ARHGAP12: variants seen among roughly 807,000 people sequenced by gnomAD.
ARHGAP12 encodes the protein rho GTPase-activating protein 12.
A neutral mutation model predicts 108.6 loss-of-function variants in ARHGAP12; 64 were observed. That is an observed-to-expected ratio of 0.59 (90% CI 0.48 to 0.73). The LOEUF is 0.73. ARHGAP12 is among the 30% of genes least tolerant of loss of function. The pLI is 0.00. For synonymous variants in ARHGAP12, 312 were observed against 337.2 expected, an observed-to-expected ratio of 0.93 and a Z score of 0.82; for missense variants, 940 against 1,005.9, an observed-to-expected ratio of 0.93 and a Z score of 0.89.
rs200905333 is a variant in ARHGAP12 at position 31,902,670 on chromosome 10, C to CA, written c.684+5501dup. ...TAGGTGACAGACAAAGACCCCATCTCAAAAAAAAAAAAAAATTACTCAAAA... is the reference window on the plus strand; with the variant it reads ...TAGGTGACAGACAAAGACCCCATCTCAAAAAAAAAAAAAAAATTACTCAAAA... On this transcript the variant is annotated intron_variant, in intron 3 of 19. Coordinates refer to ENST00000344936, the MANE Select transcript of ARHGAP12 (RefSeq NM_018287.7). Among the ~76,000 whole-genome samples the CA allele has an allele frequency of 2.9e-3, 338 of 116,698 alleles. 2 individuals are homozygous for CA. Among genetic ancestry groups the CA allele is most frequent in the South Asian group, 0.017 (64 of 3,736 alleles). 76.6% of individuals were successfully genotyped at this position (116,698 alleles called of 152,430 possible).
Position 31,819,013 on chromosome 10 carries a change from T to C in ARHGAP12, c.1633-1127A>G, listed in dbSNP as rs76934738. Among the ~76,000 whole-genome samples, 52 of 152,222 alleles carry C rather than the reference T, an allele frequency of 3.4e-4. No homozygotes were observed. The East Asian group carries it at 9.6e-3, about 28-fold the overall frequency. ...GCACATAAGATACTCTGCTCTGTTA[T>C]AGGTTCTTATTTAAAGGAAAAACAT... On this transcript the variant is annotated intron_variant, in intron 12 of 19. Transcript: ENST00000344936.
intron 9 of ARHGAP12, among the ~76,000 whole-genome samples, chr10:31,835,371 G>A (rs1053266839): frequency 6.6e-6 from 1 of 151,970 alleles, no homozygotes; most frequent in African/African-American, 2.4e-5. Context: ...ACTTATACAT[G>A]AATATTTGTT....
chr10:31,917,921 C>T (rs1839629693), intron 1 of ARHGAP12, among the ~76,000 whole-genome samples: 1 of 151,602 alleles, frequency 6.6e-6, no homozygotes, highest in South Asian at 2.1e-4. Context: ...AATTTCCTGA[C>T]TTTATGGTGG....
In ARHGAP12 at chr10:31,809,120, A is replaced by AT; in HGVS notation, c.2136dup (p.Leu713IlefsTer5). On this transcript the variant is annotated frameshift_variant, in exon 18 of 20. Coordinates refer to ENST00000344936, the MANE Select transcript of ARHGAP12 (RefSeq NM_018287.7). LOFTEE classifies it high-confidence loss of function. Reference sequence around the variant, plus strand: ...TCCCATTTACTGTCATTCAAGTCCAATTTCTCATCTGAAAAACAGCAGGAA... The same window carrying AT: ...TCCCATTTACTGTCATTCAAGTCCAATTTTCTCATCTGAAAAACAGCAGGAA... 6.2e-7 allele frequency: 1 copy of AT among 1,613,332 alleles called. No individual in the cohort carries two copies. The highest frequency in any genetic ancestry group is 1.1e-5 in the South Asian group (1 of 90,964).
chr10:31,854,893 C>T (rs1836827110), intron 4 of ARHGAP12, among the ~76,000 whole-genome samples: 1 of 150,296 alleles, frequency 6.7e-6, no homozygotes, highest in African/African-American at 2.5e-5. Flanking sequence ...CTTTGGGAGG[C>T]CAAGGCCAGA....
intron 3 of ARHGAP12, among the ~76,000 whole-genome samples, chr10:31,886,346 ATAC>A (rs1236146502): frequency 2.0e-5 from 3 of 152,194 alleles, no homozygotes; most frequent in Non-Finnish European, 4.4e-5. Context: ...TCCTACAATT[ATAC>A]TACAATTATC....
intron 1 of ARHGAP12, among the ~76,000 whole-genome samples, chr10:31,915,827 GA>G (rs891269214): frequency 1.3e-5 from 2 of 151,972 alleles, no homozygotes; most frequent in African/African-American, 4.8e-5. Context: ...TAAATTCTCT[GA>G]AAAAAATAAT....
At chr10:31,916,160 T>TATTCATCCCAA (rs1839547031) in intron 1 of ARHGAP12, among the ~76,000 whole-genome samples, 1 of 152,148 alleles carries the variant, frequency 6.6e-6, no homozygotes, top group Non-Finnish European at 1.5e-5. Flanking sequence ...CCTCCATCCA[T>TATTCATCCCAA]ATTCATCCCA....
intron 3 of ARHGAP12, among the ~76,000 whole-genome samples, chr10:31,863,841 T>A (rs1328161922): frequency 5.3e-5 from 8 of 152,088 alleles, no homozygotes; most frequent in African/African-American, 1.9e-4. Context: ...AGGATATAAC[T>A]CTTAGCAAGA....
In ARHGAP12 at chr10:31,824,460, C is replaced by T. The variant is rs1368408059; in HGVS notation, c.1530+1844G>A. 1.4e-4 allele frequency among the ~76,000 whole-genome samples: 21 copies of T among 152,198 alleles called. 1 individual carries two copies. The highest frequency in any genetic ancestry group is 3.6e-4 in the African/African-American group (15 of 41,550). ...GCTCAGTAAATTTTAAACTATGTTTCGGCTATTGCCACATGGTAACAAAGT... is the reference window on the plus strand; with the variant it reads ...GCTCAGTAAATTTTAAACTATGTTTTGGCTATTGCCACATGGTAACAAAGT... On this transcript the variant is annotated intron_variant, in intron 11 of 19. Coordinates refer to ENST00000344936, the MANE Select transcript of ARHGAP12 (RefSeq NM_018287.7).
chr10:31,923,437 G>T (rs1839901805), intron 1 of ARHGAP12, among the ~76,000 whole-genome samples: 1 of 152,180 alleles, frequency 6.6e-6, no homozygotes, highest in South Asian at 2.1e-4. Context: ...TCTACCACAT[G>T]ATTCAGGGAT....
chr10:31,893,573 A>G (rs886635087), intron 3 of ARHGAP12, among the ~76,000 whole-genome samples: 2 of 152,222 alleles, frequency 1.3e-5, no homozygotes, highest in East Asian at 1.9e-4. Flanking sequence ...GAATAGACCA[A>G]TAACAGGCTC....
chr10:31,854,784 T>C (rs772949775), intron 4 of ARHGAP12, among the ~76,000 whole-genome samples: 17 of 151,658 alleles, frequency 1.1e-4, no homozygotes, highest in Non-Finnish European at 7.4e-5. Context: ...AAAAATAACA[T>C]TGAGCAAATT....
chr10:31,904,442 A>G (rs1295236649), intron 3 of ARHGAP12, among the ~76,000 whole-genome samples: 5 of 152,152 alleles, frequency 3.3e-5, no homozygotes, highest in Non-Finnish European at 7.4e-5. Flanking sequence ...GGGGTTAAGG[A>G]GGGTTAAGAT....
intron 4 of ARHGAP12, among the ~76,000 whole-genome samples, chr10:31,861,002 A>C (rs529746016): frequency 6.6e-6 from 1 of 152,232 alleles, no homozygotes; most frequent in African/African-American, 2.4e-5. Flanking sequence ...CTACAGTGAG[A>C]TATCATTGCA....
chr10:31,827,141 A>ATGTAT (rs1230441555), intron 10 of ARHGAP12, among the ~76,000 whole-genome samples: 12 of 152,270 alleles, frequency 7.9e-5, no homozygotes, highest in Admixed American at 3.3e-4. Flanking sequence ...CACACAGCAT[A>ATGTAT]TGTATTATCA....
chr10:31,817,776 T>C lies in ARHGAP12; in HGVS notation c.1731+12A>G. 1 of 1,547,574 alleles carries C rather than the reference T, an allele frequency of 6.5e-7. No homozygotes were observed. Among genetic ancestry groups the C allele is most frequent in the Non-Finnish European group, 8.7e-7 (1 of 1,146,950 alleles). On this transcript the variant is annotated intron_variant, in intron 13 of 19. Coordinates refer to ENST00000344936, the MANE Select transcript of ARHGAP12 (RefSeq NM_018287.7). ...CTCTGAAGTAAAAATTTTACCTAAG[T>C]CAACGACATACCTGATTATTGATTG... is the stretch of plus-strand genomic sequence containing the variant.
intron 3 of ARHGAP12, among the ~76,000 whole-genome samples, chr10:31,889,340 T>C (rs1000067292): frequency 9.2e-5 from 14 of 152,342 alleles, no homozygotes; most frequent in South Asian, 2.1e-4. Flanking sequence ...GTCAATTGCT[T>C]TGATTAAATA....
At chr10:31,875,008 A>T (rs1837678343) in intron 3 of ARHGAP12, among the ~76,000 whole-genome samples, 1 of 135,032 alleles carries the variant, frequency 7.4e-6, no homozygotes, top group South Asian at 2.6e-4. Flanking sequence ...AAAAATTTTC[A>T]CACACATACT....
Sources: allele counts gnomAD v4.1 joint callset (sites outside exome capture counted in the v4.1 genomes callset), GRCh38; gene constraint gnomAD v4.1.1; transcripts MANE v1.5; gene names NCBI Gene and HGNC (gene_info 2026-07-23, HGNC 2026-07-21).